Variants in FMN1 observed in about 807,000 individuals in gnomAD.
The protein encoded by FMN1 is formin-1.
Under a neutral mutation model 132.4 loss-of-function variants are expected in FMN1, and 110 were observed. That is an observed-to-expected ratio of 0.83 (90% CI 0.71 to 0.97). The LOEUF (loss-of-function observed/expected upper bound fraction) is 0.97, where lower values mean the gene tolerates loss of function less well. Ranked by LOEUF, FMN1 falls within the 50% of genes least tolerant of loss-of-function variation. FMN1 has a pLI of 0.00. For missense variants in FMN1, 1,792 were observed against 1,705.3 expected (o/e 1.05, Z -0.90); for synonymous variants, 722 against 651.7 (o/e 1.11, Z -1.64).
rs529690783 is a variant in FMN1, at chr15:32,849,472, T to A, written c.3928+7543A>T. 6.2e-4 allele frequency among the ~76,000 whole-genome samples: 94 copies of A among 150,416 alleles called. 2 individuals are homozygous for A. The highest frequency in any genetic ancestry group is 4.8e-3 in the South Asian group (23 of 4,810). Reference sequence around the variant, plus strand: ...AGGTCAATACATACAGACTTTTTTTTTAAAAAAGATGCTTAGTATTCCAAT... The same window carrying A: ...AGGTCAATACATACAGACTTTTTTTATAAAAAAGATGCTTAGTATTCCAAT... On this transcript the variant is annotated intron_variant, in intron 17 of 20. Coordinates refer to ENST00000616417, the MANE Select transcript of FMN1 (RefSeq NM_001277313.2).
At position 32,769,016 on chromosome 15, in the gene FMN1, TAGG is replaced by T. The variant is rs2056141146; in HGVS notation, c.*5291_*5293del. On this transcript the variant is annotated 3_prime_UTR_variant, in exon 21 of 21. Transcript: ENST00000616417. The stretch of plus-strand genomic sequence containing the variant: ...CTATGGCCCTGGTTATCACCATAGT[TAGG>T]AGAAGGGCTGGGGATAGAGGAGGAA... 3 of 147,112 alleles carry T rather than the reference TAGG, an allele frequency of 2.0e-5. No individual in the cohort carries two copies. In the South Asian group the frequency reaches 6.6e-4, roughly 32 times the overall value. The allele number at this position is 147,112 out of a possible 1,614,324, so 9.1% of individuals were successfully genotyped here.
chr15:32,937,258 C>T (rs1169834051), intron 9 of FMN1, among the ~76,000 whole-genome samples: 3 of 152,164 alleles, frequency 2.0e-5, no homozygotes, highest in Non-Finnish European at 4.4e-5. Context: ...AGTACCTCCC[C>T]AAAAGTCTGA....
intron 6 of FMN1, among the ~76,000 whole-genome samples, chr15:33,060,162 C>A (rs1269279120): frequency 1.4e-5 from 2 of 138,240 alleles, no homozygotes; most frequent in Non-Finnish European, 3.3e-5. Flanking sequence ...CTACAGGGGT[C>A]TATGAAAGAT....
intron 12 of FMN1, among the ~76,000 whole-genome samples, chr15:32,904,838 G>A (rs2060382418): frequency 6.6e-6 from 1 of 152,206 alleles, no homozygotes; most frequent in Admixed American, 6.5e-5. Flanking sequence ...AGGCTGTGAA[G>A]CAAGCATCTG....
intron 4 of FMN1, among the ~76,000 whole-genome samples, chr15:33,118,474 C>G (rs1220846278): frequency 6.6e-6 from 1 of 152,164 alleles, no homozygotes; most frequent in Non-Finnish European, 1.5e-5. Flanking sequence ...ATGTCAATTT[C>G]TCCCTTAATG....
chr15:32,798,178 G>GCACA (rs59587193), intron 19 of FMN1, among the ~76,000 whole-genome samples: 17 of 147,204 alleles, frequency 1.2e-4, no homozygotes, highest in African/African-American at 3.8e-4. Context: ...TAAGGAAAAC[G>GCACA]CACACACACA....
At chr15:33,046,073 ACT>A (rs916965189) in intron 6 of FMN1, among the ~76,000 whole-genome samples, 3 of 152,106 alleles carry the variant, frequency 2.0e-5, no homozygotes, top group Admixed American at 2.0e-4. Flanking sequence ...ATTTATTATT[ACT>A]GTTATATAAA....
At chr15:33,013,732 T>C (rs1458925983) in intron 6 of FMN1, among the ~76,000 whole-genome samples, 1 of 152,230 alleles carries the variant, frequency 6.6e-6, no homozygotes, top group African/African-American at 2.4e-5. Context: ...TGTGTAAATG[T>C]TGAGTCCTAA....
chr15:32,806,936 C>G (rs2057702164), intron 17 of FMN1, among the ~76,000 whole-genome samples: 1 of 152,188 alleles, frequency 6.6e-6, no homozygotes, highest in African/African-American at 2.4e-5. Context: ...CCTCTATCTA[C>G]CTAACAGACT....
chr15:33,051,081 C>G (rs548116536), intron 6 of FMN1, among the ~76,000 whole-genome samples: 1 of 151,834 alleles, frequency 6.6e-6, no homozygotes, highest in Non-Finnish European at 1.5e-5. Context: ...TTCACAAGGA[C>G]CCCCCCTTTA....
chr15:32,865,791 A>G (rs7175418), intron 16 of FMN1, among the ~76,000 whole-genome samples: 126,685 of 150,386 alleles, frequency 0.84, 54,038 homozygotes, highest in African/African-American at 0.96. Flanking sequence ...AGCTGAGATC[A>G]TGCCATTGCA....
At chr15:33,112,642 T>A (rs1215018763) in intron 4 of FMN1, among the ~76,000 whole-genome samples, 1 of 152,082 alleles carries the variant, frequency 6.6e-6, no homozygotes, top group Non-Finnish European at 1.5e-5. Flanking sequence ...GCTCATCAAC[T>A]GACTGGCCTA....
intron 3 of FMN1, among the ~76,000 whole-genome samples, chr15:33,157,235 A>C (rs1327294905): frequency 6.7e-6 from 1 of 149,296 alleles, no homozygotes; most frequent in Non-Finnish European, 1.5e-5. Context: ...ACTGCACTCC[A>C]GCCTGGTGAC....
intron 5 of FMN1, among the ~76,000 whole-genome samples, chr15:33,079,842 A>C (rs16964677): frequency 6.6e-6 from 1 of 152,158 alleles, no homozygotes; most frequent in Non-Finnish European, 1.5e-5. Context: ...TTTTTTTTCA[A>C]CTGCTTTATC....
intron 4 of FMN1, among the ~76,000 whole-genome samples, chr15:33,137,599 A>T (rs1248901431): frequency 6.6e-6 from 1 of 152,202 alleles, no homozygotes; most frequent in African/African-American, 2.4e-5. Flanking sequence ...TCTGATTTTT[A>T]TTCAGATTCC....
Position 32,901,975 on chromosome 15 carries a change from G to A in FMN1, c.3443C>T (p.Ser1148Phe), listed in dbSNP as rs374353800. 4.3e-6 allele frequency: 7 copies of A among 1,612,952 alleles called. No homozygotes were observed. In the African/African-American group the frequency reaches 6.7e-5, roughly 15 times the overall value. Residue 1148 changes from serine to phenylalanine, a missense_variant, in exon 13 of 21, where the codon TCT becomes TTT. By Grantham distance (155) the Ser-to-Phe change is radical (BLOSUM62 -2). Around this residue, in one of 3 missense-constraint regions of FMN1, gnomAD observed 1,150 missense variants for 1,043.1 expected, o/e 1.10. Coordinates refer to ENST00000616417, the MANE Select transcript of FMN1 (RefSeq NM_001277313.2). ...GGAGGTGATACCCTCAGAAAAGACAGATCTGAAGATTATGCACTGGGCACG... is the reference window on the plus strand; with the variant it reads ...GGAGGTGATACCCTCAGAAAAGACAAATCTGAAGATTATGCACTGGGCACG... ...AERAQCIIFR[S>F]VFSEGITSLH...
intron 7 of FMN1, among the ~76,000 whole-genome samples, chr15:32,995,358 T>A (rs564245475): frequency 9.8e-5 from 15 of 152,304 alleles, no homozygotes; most frequent in African/African-American, 3.6e-4. Flanking sequence ...TTGATAATTT[T>A]AAAATGTTAA....
intron 10 of FMN1, among the ~76,000 whole-genome samples, chr15:32,920,041 T>C (rs2060782474): frequency 6.6e-6 from 1 of 152,210 alleles, no homozygotes; most frequent in Non-Finnish European, 1.5e-5. Context: ...TTTATCTTGA[T>C]GTTATTTAAA....
rs551254068 is a variant in FMN1 at position 32,842,011 on chromosome 15, C to A, written c.3928+15004G>T. Among the ~76,000 whole-genome samples the A allele has an allele frequency of 2.0e-5, 3 of 152,304 alleles. 1 individual carries two copies. Among genetic ancestry groups the A allele is most frequent in the African/African-American group, 7.2e-5 (3 of 41,568 alleles). ...TTGTCTCCAAGATGTCCATCATCAG[C>A]TCTTTCCTTCCCTGCATGTTTGTGC... On this transcript the variant is annotated intron_variant, in intron 17 of 20. Transcript: ENST00000616417.
Sources: gnomAD v4.1 joint callset for allele counts (sites outside exome capture counted in the v4.1 genomes callset) on GRCh38, gnomAD v4.1.1 for gene constraint, gnomAD v4.1.1 regional missense constraint, MANE v1.5 for transcripts, NCBI Gene and HGNC (gene_info 2026-07-23, HGNC 2026-07-21) for gene names.